The following HAUS6 variants were observed in gnomAD, a reference collection of about 807,000 sequenced individuals.
HAUS6 encodes HAUS augmin-like complex subunit 6.
A neutral mutation model predicts 106.8 loss-of-function variants in HAUS6; 80 were observed. That is an observed-to-expected ratio of 0.75 (90% CI 0.63 to 0.90). The LOEUF is 0.90. Among genes scored for constraint, HAUS6 ranks in the 40% least tolerant of loss-of-function variants. HAUS6 has a pLI of 0.00. For missense variants in HAUS6, 1,155 were observed against 1,118.1 expected, an observed-to-expected ratio of 1.03 and a Z score of -0.47; for synonymous variants, 356 against 379.1, an observed-to-expected ratio of 0.94 and a Z score of 0.71.
intron 5 of HAUS6, 67 bp downstream of exon 5, chr9:19,089,345 G>T: frequency 1.0e-6 from 1 of 1,002,684 alleles, no homozygotes; most frequent in East Asian, 2.4e-5. Flanking sequence ...TATTTCTCCT[G>T]ACATTATATT....
intron 14 of HAUS6, among the ~76,000 whole-genome samples, chr9:19,061,215 G>GA (rs1836610252): frequency 6.6e-6 from 1 of 151,732 alleles, no homozygotes; most frequent in African/African-American, 2.4e-5. Flanking sequence ...TTGGCCCATG[G>GA]AAAAAAAGGG....
chr9:19,079,895 C>T (rs1837100870), intron 9 of HAUS6, among the ~76,000 whole-genome samples: 1 of 144,880 alleles, frequency 6.9e-6, no homozygotes, highest in Non-Finnish European at 1.5e-5. Flanking sequence ...AAAAAAGGGG[C>T]CTGGCTTGGT....
chr9:19,091,398 GA>G (rs937010772), intron 4 of HAUS6, among the ~76,000 whole-genome samples: 3 of 152,132 alleles, frequency 2.0e-5, no homozygotes, highest in Admixed American at 6.5e-5. Context: ...ACGTTGACTG[GA>G]ATTGGTTTAA....
chr9:19,089,344 T>C, intron 5 of HAUS6, 68 bp downstream of exon 5: 1 of 997,292 alleles, frequency 1.0e-6, no homozygotes, highest in Non-Finnish European at 1.6e-6. Context: ...TTATTTCTCC[T>C]GACATTATAT....
At chr9:19,093,032 A>G in intron 4 of HAUS6, 139 bp downstream of exon 4, 2 of 635,616 alleles carry the variant, frequency 3.1e-6, no homozygotes, top group South Asian at 2.3e-5. Context: ...CCAGTAGAAT[A>G]TTAACCATTT....
chr9:19,079,464 G>A (rs971166140), intron 9 of HAUS6, among the ~76,000 whole-genome samples: 1 of 151,596 alleles, frequency 6.6e-6, no homozygotes, highest in Non-Finnish European at 1.5e-5. Flanking sequence ...CTTCTGACCT[G>A]AGGTGATCCA....
In HAUS6 at chr9:19,099,225, G is replaced by A. The variant is rs191038627; in HGVS notation, c.129-2456C>T. ...TCTGTCCCCCAGGCTGGAGTGCAGC[G>A]GCGCGATCTCGGCTCACTGCAAGCT... On this transcript the variant is annotated intron_variant, in intron 1 of 16. Transcript: ENST00000380502. 6.3e-3 allele frequency among the ~76,000 whole-genome samples: 949 copies of A among 150,122 alleles called. 4 individuals carry two copies. Among genetic ancestry groups the A allele is most frequent in the Non-Finnish European group, 8.9e-3 (599 of 67,634 alleles).
intron 12 of HAUS6, among the ~76,000 whole-genome samples, chr9:19,065,819 C>G (rs1444486451): frequency 1.3e-5 from 2 of 151,964 alleles, no homozygotes; most frequent in Admixed American, 1.3e-4. Context: ...CCAGCCTGGG[C>G]AACAGGAACG....
intron 12 of HAUS6, among the ~76,000 whole-genome samples, chr9:19,063,970 A>ATTT (rs34187338): frequency 0.21 from 28,349 of 135,516 alleles, 3,010 homozygotes; most frequent in African/African-American, 0.28. Flanking sequence ...CCTTTATTTT[A>ATTT]TTTTTTTTTT....
chr9:19,081,169 A>G (rs1333762126), intron 8 of HAUS6, among the ~76,000 whole-genome samples: 1 of 152,206 alleles, frequency 6.6e-6, no homozygotes, highest in Non-Finnish European at 1.5e-5. Context: ...AACTACTAGG[A>G]AAGAGTAACA....
At chr9:19,078,845 TA>T (rs34221496) in intron 9 of HAUS6, among the ~76,000 whole-genome samples, 43,749 of 134,700 alleles carry the variant, frequency 0.32, 7,902 homozygotes, top group African/African-American at 0.53. Flanking sequence ...AAAATTAGTT[TA>T]AAAAAAAAAA....
intron 9 of HAUS6, among the ~76,000 whole-genome samples, chr9:19,080,215 A>G (rs1348794884): frequency 2.7e-5 from 4 of 149,512 alleles, no homozygotes; most frequent in Non-Finnish European, 5.9e-5. Flanking sequence ...CTAAGGTTTT[A>G]AGATTAGACC....
At chr9:19,081,326 G>C in intron 8 of HAUS6, among the ~76,000 whole-genome samples, 1 of 152,258 alleles carries the variant, frequency 6.6e-6, no homozygotes, top group Non-Finnish European at 1.5e-5. Flanking sequence ...TTTTTTAACA[G>C]AAGTTACAAA....
At chr9:19,101,580 C>A (rs916550461) in intron 1 of HAUS6, among the ~76,000 whole-genome samples, 2 of 152,036 alleles carry the variant, frequency 1.3e-5, no homozygotes, top group African/African-American at 4.8e-5. Flanking sequence ...AATTTTGAGA[C>A]CAGCCTGGGC....
chr9:19,064,943 A>G (rs1339062798), intron 12 of HAUS6: 4 of 152,220 alleles, frequency 2.6e-5, no homozygotes, highest in Non-Finnish European at 5.9e-5. Context: ...CTAAGGTGCC[A>G]CCACCACAAG....
rs747646900 is a variant in HAUS6 at position 19,093,403 on chromosome 9, T to A, written c.304-100A>T. 35 of 1,043,156 alleles carry A rather than the reference T, an allele frequency of 3.4e-5. No homozygotes were observed. In the East Asian group the frequency reaches 8.0e-4, roughly 24 times the overall value. The allele number at this position is 1,043,156 out of a possible 1,614,324, so 64.6% of individuals were successfully genotyped here. A position where few individuals can be genotyped will look rare whatever the true frequency, so the allele number is the denominator to read the frequency against. On this transcript the variant is annotated intron_variant, in intron 3 of 16. Transcript: ENST00000380502. ...GTTAAAGGGTGTGACAGTCTTGCAATAGAAGTCCCACATTTTCATAAGTAC... is the reference window on the plus strand; with the variant it reads ...GTTAAAGGGTGTGACAGTCTTGCAAAAGAAGTCCCACATTTTCATAAGTAC...
In HAUS6 at chr9:19,096,691, G is replaced by T. The variant is rs1408609134; in HGVS notation, c.207C>A (p.Leu69=). ...TTCCTTACTTGAAAACTTCTTTGGTGAGAGACTGGTCCAGAACTTGAAACA... is the reference window on the plus strand; with the variant it reads ...TTCCTTACTTGAAAACTTCTTTGGTTAGAGACTGGTCCAGAACTTGAAACA... The part of the protein sequence containing the change: ...YFLFQVLDQS[L]TKEVFKFCWP... The change falls in exon 2 of 17, where the codon CTC becomes CTA. Residue 69 remains leucine (L), a synonymous_variant. Coordinates refer to ENST00000380502, the MANE Select transcript of HAUS6 (RefSeq NM_017645.5). The T allele has an allele frequency of 6.8e-7, 1 of 1,480,622 alleles. No homozygotes were observed. The highest frequency in any genetic ancestry group is 9.2e-7 in the Non-Finnish European group (1 of 1,085,602). 91.7% of individuals were successfully genotyped at this position (1,480,622 alleles called of 1,614,324 possible).
chr9:19,080,794 G>T (rs955848649), intron 8 of HAUS6, 122 bp from the exon 9 acceptor site: 78 of 624,666 alleles, frequency 1.2e-4, no homozygotes, highest in African/African-American at 5.4e-4. Flanking sequence ...AAGGCCAGAC[G>T]CAACGGCTCA....
Position 19,075,961 on chromosome 9 carries a change from A to G in HAUS6, c.1294+641T>C, listed in dbSNP as rs368786922. On this transcript the variant is annotated intron_variant, in intron 11 of 16. Transcript: ENST00000380502. ...GCAACAGAGCAAGACTCCATCTCGG[A>G]AAAAAAAAAAAAAAAAAACACAAGT... Among the ~76,000 whole-genome samples the G allele has an allele frequency of 8.9e-3, 1,290 of 144,644 alleles. 17 individuals are homozygous for G. The highest frequency in any genetic ancestry group is 0.031 in the African/African-American group (1,236 of 39,446). 94.9% of individuals were successfully genotyped at this position (144,644 alleles called of 152,430 possible).
Sources: gnomAD v4.1 joint callset for allele counts (sites outside exome capture counted in the v4.1 genomes callset) on GRCh38, gnomAD v4.1.1 for gene constraint, MANE v1.5 for transcripts, NCBI Gene and HGNC (gene_info 2026-07-23, HGNC 2026-07-21) for gene names.